The following CSRNP3 variants were observed in gnomAD, a reference collection of about 807,000 sequenced individuals.
The protein encoded by CSRNP3 is cysteine/serine-rich nuclear protein 3.
CSRNP3 carries 12 observed loss-of-function variants against 48.0 expected under a neutral mutation model. That is an observed-to-expected ratio of 0.25 (90% confidence interval 0.16 to 0.41). The LOEUF (loss-of-function observed/expected upper bound fraction) is 0.41. Among genes scored for constraint, CSRNP3 ranks in the 10% least tolerant of loss-of-function variants. The pLI, the probability that CSRNP3 is intolerant of heterozygous loss-of-function variation, is 1.00. For missense variants in CSRNP3, 580 were observed against 724.4 expected, an observed-to-expected ratio of 0.80 and a Z score of 2.29; for synonymous variants, 263 against 269.7, an observed-to-expected ratio of 0.98 and a Z score of 0.24.
rs534535746 is a variant in CSRNP3 at position 165,665,858 on chromosome 2, AAGAG to A, written c.408+7846_408+7849del. Among the ~76,000 whole-genome samples, 11 of 145,948 alleles carry A rather than the reference AAGAG, an allele frequency of 7.5e-5. No homozygotes were observed. In the South Asian group the frequency reaches 1.3e-3, roughly 18 times the overall value. On this transcript the variant is annotated intron_variant, in intron 5 of 6. Transcript: ENST00000651982. ...AAGGAAGCAAGGAAGGAAGGAAGGAAAGAGAGAGAGAAAGAAAGAGAGAGAGGAA... is the reference window on the plus strand; with the variant it reads ...AAGGAAGCAAGGAAGGAAGGAAGGAAAGAGAGAAAGAAAGAGAGAGAGGAA...
intron 3 of CSRNP3, among the ~76,000 whole-genome samples, chr2:165,591,399 G>C (rs749522889): frequency 5.3e-5 from 8 of 152,160 alleles, no homozygotes; most frequent in Non-Finnish European, 1.2e-4. Context: ...CCCATTTACT[G>C]GGGAGAAATT....
chr2:165,602,907 T>A (rs1405893812), intron 4 of CSRNP3, among the ~76,000 whole-genome samples: 3 of 152,002 alleles, frequency 2.0e-5, no homozygotes, highest in East Asian at 3.9e-4. Context: ...TTTTTTTTAA[T>A]TTTTTTTGAG....
chr2:165,584,920 G>A (rs1416568048), intron 3 of CSRNP3, among the ~76,000 whole-genome samples: 2 of 152,164 alleles, frequency 1.3e-5, no homozygotes, highest in African/African-American at 2.4e-5. Context: ...AACTCATAAT[G>A]TTTTAAGAAA....
chr2:165,612,932 C>A, intron 4 of CSRNP3, among the ~76,000 whole-genome samples: 1 of 151,982 alleles, frequency 6.6e-6, no homozygotes. Context: ...GGATAAATAT[C>A]CATTAGTGGG....
At chr2:165,565,595 A>C (rs757009243) in intron 3 of CSRNP3, among the ~76,000 whole-genome samples, 1 of 152,046 alleles carries the variant, frequency 6.6e-6, no homozygotes, top group Non-Finnish European at 1.5e-5. Flanking sequence ...CTTTGATAAA[A>C]ATAGACCTGA....
chr2:165,578,490 G>C (rs1449341180), intron 3 of CSRNP3, among the ~76,000 whole-genome samples: 1 of 152,016 alleles, frequency 6.6e-6, no homozygotes, highest in Non-Finnish European at 1.5e-5. Flanking sequence ...CATATACTGT[G>C]AAGAACTTGA....
At chr2:165,560,899 T>C (rs775703557) in intron 3 of CSRNP3, among the ~76,000 whole-genome samples, 16 of 152,168 alleles carry the variant, frequency 1.1e-4, no homozygotes. Context: ...TTCACTAGTG[T>C]TCATGATGTG....
intron 3 of CSRNP3, among the ~76,000 whole-genome samples, chr2:165,548,343 T>C (rs1685056912): frequency 6.6e-6 from 1 of 152,138 alleles, no homozygotes. Flanking sequence ...TCCTCAGTCT[T>C]CTCAATTGTA....
intron 1 of CSRNP3, among the ~76,000 whole-genome samples, chr2:165,486,412 G>C (rs1684118228): frequency 6.6e-6 from 1 of 151,104 alleles, no homozygotes; most frequent in Non-Finnish European, 1.5e-5. Context: ...AAACAAAGCA[G>C]CCAGGAAGCT....
rs531119763 is a variant in CSRNP3 at position 165,591,599 on chromosome 2, G to T, written c.-23-3444G>T. Among the ~76,000 whole-genome samples, 8 of 152,272 alleles carry T rather than the reference G, an allele frequency of 5.3e-5. No homozygotes were observed. In the South Asian group the frequency reaches 1.7e-3, roughly 32 times the overall value. On this transcript the variant is annotated intron_variant, in intron 3 of 6. Coordinates refer to ENST00000651982, the MANE Select transcript of CSRNP3 (RefSeq NM_001172173.2). ...GGACCCCCTGTTCTGTGCAGCCTGG[G>T]AACATGGTCCCCTGTGTCCCAGCTG...
chr2:165,616,652 G>T (rs941033138), intron 4 of CSRNP3, among the ~76,000 whole-genome samples: 1 of 152,064 alleles, frequency 6.6e-6, no homozygotes, highest in Non-Finnish European at 1.5e-5. Flanking sequence ...CCTTTTATAT[G>T]AATTGATGCT....
At chr2:165,677,149 G>A (rs772628512) in intron 6 of CSRNP3, among the ~76,000 whole-genome samples, 1 of 152,180 alleles carries the variant, frequency 6.6e-6, no homozygotes, top group Non-Finnish European at 1.5e-5. Flanking sequence ...TGAAGGAACC[G>A]AACTAGGTCA....
chr2:165,648,771 A>T (rs1248965296), intron 4 of CSRNP3, among the ~76,000 whole-genome samples: 1 of 152,216 alleles, frequency 6.6e-6, no homozygotes, highest in Non-Finnish European at 1.5e-5. Context: ...AGTTAATCAT[A>T]TTAATTATTT....
rs368384499 is a variant in CSRNP3 at position 165,642,077 on chromosome 2, G to A, written c.149-15684G>A. ...TCTTTGGGATGTTTCTATGCATCCA[G>A]TAGTACCTGAGAATACACACACACA... On this transcript the variant is annotated intron_variant, in intron 4 of 6. Coordinates refer to ENST00000651982, the MANE Select transcript of CSRNP3 (RefSeq NM_001172173.2). Among the ~76,000 whole-genome samples the A allele has an allele frequency of 4.1e-5, 6 of 147,232 alleles. No homozygotes were observed. The East Asian group carries it at 9.9e-4, about 24-fold the overall frequency.
At chr2:165,544,989 G>A (rs969065702) in intron 3 of CSRNP3, among the ~76,000 whole-genome samples, 1 of 152,106 alleles carries the variant, frequency 6.6e-6, no homozygotes, top group Non-Finnish European at 1.5e-5. Context: ...TGAAGTAGGA[G>A]GAAACCCAAA....
In CSRNP3 at chr2:165,679,075, C is replaced by G; in HGVS notation, c.1080C>G (p.Ser360Arg). The change falls in exon 7 of 7, where the codon AGC becomes AGG. Residue 360 changes from serine to arginine, a missense_variant. Ser to Arg is a moderately radical substitution (Grantham distance 110). Around this residue, in one of 4 missense-constraint regions of CSRNP3, gnomAD observed 369 missense variants for 380.8 expected, o/e 0.97. Transcript: ENST00000651982. Reference protein sequence around the residue: ...SSFCSGVTDSSTQSLAPSESD... With the variant: ...SSFCSGVTDSRTQSLAPSESD... ...TTTGCAGCGGAGTCACAGATTCTAGCACGCAAAGCTTGGCACCTAGTGAGT... is the reference window on the plus strand; with the variant it reads ...TTTGCAGCGGAGTCACAGATTCTAGGACGCAAAGCTTGGCACCTAGTGAGT... 6.2e-7 allele frequency: 1 copy of G among 1,613,632 alleles called. No homozygotes were observed. The highest frequency in any genetic ancestry group is 8.5e-7 in the Non-Finnish European group (1 of 1,179,840).
chr2:165,503,256 A>G (rs547596289), intron 2 of CSRNP3, among the ~76,000 whole-genome samples: 1 of 152,062 alleles, frequency 6.6e-6, no homozygotes, highest in African/African-American at 2.4e-5. Context: ...TGAAAATTTT[A>G]TTGGCATATT....
rs1377838067 is a variant in CSRNP3, at chr2:165,666,645, CAG to C, written c.408+8630_408+8631del. 1.8e-4 allele frequency among the ~76,000 whole-genome samples: 13 copies of C among 72,392 alleles called. 1 individual carries two copies. The highest frequency in any genetic ancestry group is 7.1e-4 in the African/African-American group (13 of 18,294). The allele number at this position is 72,392 out of a possible 152,430, so 47.5% of individuals were successfully genotyped here. On this transcript the variant is annotated intron_variant, in intron 5 of 6. Transcript: ENST00000651982. ...AAGGAAGGAAGTAAGGGAGGAAAGA[CAG>C]AGAGGAAGAAAAGAGAGAGGAAGGA...
At chr2:165,526,204 C>G (rs946996998) in intron 3 of CSRNP3, among the ~76,000 whole-genome samples, 1 of 152,132 alleles carries the variant, frequency 6.6e-6, no homozygotes, top group Non-Finnish European at 1.5e-5. Context: ...CTTTGGTATT[C>G]TAATTCCTTT....
Sources: gnomAD v4.1 joint callset for allele counts (sites outside exome capture counted in the v4.1 genomes callset) on GRCh38, gnomAD v4.1.1 for gene constraint, gnomAD v4.1.1 regional missense constraint, MANE v1.5 for transcripts, NCBI Gene and HGNC (gene_info 2026-07-23, HGNC 2026-07-21) for gene names.